The following VBP1 variants were observed in gnomAD, a reference collection of about 807,000 sequenced individuals.
The protein encoded by VBP1 is VHL binding protein 1, also known as prefoldin subunit 3.
Under a neutral mutation model 15.5 loss-of-function variants are expected in VBP1, and 4 were observed. The observed-to-expected ratio is 0.26, with a 90% CI of 0.13 to 0.59. The LOEUF (loss-of-function observed/expected upper bound fraction) is 0.59. VBP1 is among the 20% of genes least tolerant of loss of function. The pLI is 0.90. For synonymous variants in VBP1, 61 were observed against 52.1 expected (o/e 1.17, Z -0.74); for missense variants, 108 against 139.6 (o/e 0.77, Z 1.14).
intron 2 of VBP1, among the ~76,000 whole-genome samples, chrX:155,223,749 C>T (rs1200281652): frequency 1.8e-5 from 2 of 111,825 alleles, no homozygotes; most frequent in Non-Finnish European, 1.9e-5. Flanking sequence ...GGCAGAGGGG[C>T]TCCTCACTTC....
intron 1 of VBP1, among the ~76,000 whole-genome samples, chrX:155,207,899 A>T (rs1447036418): frequency 8.9e-6 from 1 of 112,407 alleles, no homozygotes; most frequent in East Asian, 2.8e-4. Context: ...ATAGATGAAG[A>T]TGAACAAGAA....
chrX:155,232,661 G>A (rs147300686), intron 4 of VBP1, among the ~76,000 whole-genome samples: 2,964 of 111,881 alleles, frequency 0.026, 43 homozygotes, highest in South Asian at 0.042. Context: ...GGAATGGTAG[G>A]GTGATACTAA....
intron 1 of VBP1, among the ~76,000 whole-genome samples, chrX:155,198,484 A>C (rs1557306957): frequency 8.9e-6 from 1 of 111,866 alleles, no homozygotes; most frequent in East Asian, 2.8e-4. Flanking sequence ...ACTGCTGCTG[A>C]TACCAGGCAA....
chrX:155,222,454 A>G (rs1602883776), intron 2 of VBP1, among the ~76,000 whole-genome samples: 1 of 111,665 alleles, frequency 9.0e-6, no homozygotes, highest in East Asian at 2.8e-4. Context: ...CAGCCTGGGC[A>G]ACAGAGTGAT....
intron 2 of VBP1, among the ~76,000 whole-genome samples, chrX:155,223,169 G>C (rs1311462277): frequency 1.9e-5 from 1 of 53,359 alleles, no homozygotes; most frequent in Non-Finnish European, 3.5e-5. Flanking sequence ...TTGAATTTCT[G>C]TTCATAAGTG....
chrX:155,211,826 A>G (rs1187314162), upstream of VBP1, among the ~76,000 whole-genome samples: 2 of 111,604 alleles, frequency 1.8e-5, no homozygotes, highest in Non-Finnish European at 3.8e-5. Flanking sequence ...AGGCTGTGTG[A>G]TTTCTCCCCA....
At chrX:155,207,631 T>G (rs1247046184) in intron 1 of VBP1, among the ~76,000 whole-genome samples, 1 of 111,678 alleles carries the variant, frequency 9.0e-6, no homozygotes, top group Non-Finnish European at 1.9e-5. Context: ...GAGGAAGGAC[T>G]GGAAAACTTA....
At chrX:155,201,812 G>A (rs2124035039) in intron 1 of VBP1, among the ~76,000 whole-genome samples, 1 of 110,763 alleles carries the variant, frequency 9.0e-6, no homozygotes, top group South Asian at 3.8e-4. Flanking sequence ...AAAAGAGGAA[G>A]TCAAATTGTC....
At chrX:155,214,485 C>G (rs1008987233), upstream of VBP1, among the ~76,000 whole-genome samples, 3 of 112,236 alleles carry the variant, frequency 2.7e-5, no homozygotes, top group Admixed American at 9.4e-5. Flanking sequence ...ATTAGTTGAA[C>G]ATTTATCAGC....
intron 2 of VBP1, among the ~76,000 whole-genome samples, chrX:155,220,990 A>C (rs1407877280): frequency 9.0e-6 from 1 of 110,763 alleles, no homozygotes; most frequent in Admixed American, 9.6e-5. Flanking sequence ...CAGGAGTTCA[A>C]GACTAGCCTG....
chrX:155,221,302 A>G (rs1602882574), intron 2 of VBP1, among the ~76,000 whole-genome samples: 1 of 111,508 alleles, frequency 9.0e-6, no homozygotes, highest in South Asian at 3.8e-4. Context: ...ACTGCACTCC[A>G]GCCTGGGCAA....
chrX:155,236,413 T>G (rs1182316678), intron 5 of VBP1, 46 bp downstream of exon 5: 2 of 1,170,026 alleles, frequency 1.7e-6, no homozygotes, highest in East Asian at 3.0e-5. Flanking sequence ...GGAGAAAGAT[T>G]TTTTTAAAAA....
intron 2 of VBP1, among the ~76,000 whole-genome samples, chrX:155,221,738 A>C (rs1296712483): frequency 1.8e-5 from 2 of 112,022 alleles, no homozygotes; most frequent in Non-Finnish European, 3.8e-5. Flanking sequence ...AGGCAGACTA[A>C]AGTGAGGAAG....
intron 4 of VBP1, 117 bp from the exon 5 acceptor site, chrX:155,236,112 T>A: frequency 1.2e-6 from 1 of 843,582 alleles, no homozygotes; most frequent in Non-Finnish European, 1.6e-6. Context: ...AAACTTAACT[T>A]ACAACAAAAG....
chrX:155,239,563 T>G lies in VBP1; in HGVS notation c.*721T>G, dbSNP rs1557312010. 1 of 111,857 alleles carries G rather than the reference T, an allele frequency of 8.9e-6. No individual in the cohort carries two copies. Among genetic ancestry groups the G allele is most frequent in the African/African-American group, 3.3e-5 (1 of 30,721 alleles). The allele number at this position is 111,857 out of a possible 1,213,427, so 9.2% of individuals were successfully genotyped here. A position where few individuals can be genotyped will look rare whatever the true frequency, so the allele number is the denominator to read the frequency against. On this transcript the variant is annotated 3_prime_UTR_variant, in exon 6 of 6. Transcript: ENST00000286428. Reference sequence around the variant, plus strand: ...TTCTTAACAGTTCTCCAGAGCATCTTGAACAGGAATATTAAGATAAATGTG... The same window carrying G: ...TTCTTAACAGTTCTCCAGAGCATCTGGAACAGGAATATTAAGATAAATGTG...
At chrX:155,208,930 C>T in exon 2 of VBP1, 1 of 1,154,712 alleles carries the variant, frequency 8.7e-7, no homozygotes, top group East Asian at 3.3e-5. Context: ...TGATTCATAC[C>T]CAGCAAGGCC....
chrX:155,212,210 T>A (rs1557308592), upstream of VBP1, among the ~76,000 whole-genome samples: 3 of 112,121 alleles, frequency 2.7e-5, no homozygotes. Context: ...AACTTGTGAC[T>A]GGGAATTTAC....
chrX:155,225,079 A>C (rs1557310130), intron 2 of VBP1, among the ~76,000 whole-genome samples: 2 of 111,430 alleles, frequency 1.8e-5, no homozygotes, highest in Non-Finnish European at 3.8e-5. Flanking sequence ...GGTATTTGTT[A>C]ATTTTGTTTC....
intron 5 of VBP1, among the ~76,000 whole-genome samples, chrX:155,237,141 G>A (rs782151338): frequency 5.4e-5 from 6 of 111,766 alleles, no homozygotes; most frequent in Non-Finnish European, 1.1e-4. Context: ...TCAGCAGAGA[G>A]AAGAGGTGGG....
Sources: gnomAD v4.1 joint callset for allele counts (sites outside exome capture counted in the v4.1 genomes callset) on GRCh38, gnomAD v4.1.1 for gene constraint, MANE v1.5 for transcripts, NCBI Gene and HGNC (gene_info 2026-07-23, HGNC 2026-07-21) for gene names.